Variants in GDA observed in about 807,000 individuals in gnomAD.
GDA encodes the protein cytoplasmic PSD-95 interactor.
In GDA, 18 loss-of-function variants were observed where a neutral mutation model predicts 59.6. That is an observed-to-expected ratio of 0.30 (90% CI 0.21 to 0.45). The LOEUF (loss-of-function observed/expected upper bound fraction) is 0.45, where lower values mean the gene tolerates loss of function less well. Ranked by LOEUF, GDA falls within the 20% of genes least tolerant of loss-of-function variation. The pLI is 1.00. For synonymous variants in GDA, 201 were observed against 201.1 expected, an observed-to-expected ratio of 1.00 and a Z score of 0.00; for missense variants, 427 against 552.3, an observed-to-expected ratio of 0.77 and a Z score of 2.27.
chr9:72,222,927 G>A (rs528353038), intron 6 of GDA, among the ~76,000 whole-genome samples, 193 bp from the exon 7 acceptor site: 2 of 152,078 alleles, frequency 1.3e-5, no homozygotes, highest in African/African-American at 2.4e-5. Context: ...GGCTGGTCTC[G>A]AACTCCCGGC....
chr9:72,244,969 T>A (rs1382692630), intron 11 of GDA, among the ~76,000 whole-genome samples, 179 bp from the exon 12 acceptor site: 1 of 152,178 alleles, frequency 6.6e-6, no homozygotes, highest in African/African-American at 2.4e-5. Flanking sequence ...TACTCCACTT[T>A]ATGTAAGTAG....
intron 5 of GDA, 54 bp from the exon 6 acceptor site, chr9:72,219,425 A>C: frequency 7.6e-7 from 1 of 1,313,578 alleles, no homozygotes; most frequent in Non-Finnish European, 1.1e-6. Context: ...ATAATAAAGA[A>C]AAGAAAAAAA....
chr9:72,235,297 G>A (rs1838848232), intron 10 of GDA, among the ~76,000 whole-genome samples: 1 of 152,194 alleles, frequency 6.6e-6, no homozygotes, highest in South Asian at 2.1e-4. Context: ...TAAAAACTGA[G>A]TGTTAGGTCC....
intron 3 of GDA, among the ~76,000 whole-genome samples, chr9:72,209,890 T>C (rs1049524982): frequency 2.0e-5 from 3 of 152,168 alleles, no homozygotes; most frequent in Admixed American, 1.3e-4. Flanking sequence ...CTGGGGAAAA[T>C]GACTGAGTGC....
chr9:72,219,371 C>T, intron 5 of GDA, 108 bp from the exon 6 acceptor site: 1 of 769,708 alleles, frequency 1.3e-6, no homozygotes, highest in East Asian at 2.9e-5. Flanking sequence ...CCACTTCACT[C>T]CAGCCTGGGC....
rs866383741 is a variant in GDA at position 72,165,006 on chromosome 9, T to A, written c.123+15324T>A. 6.4e-3 allele frequency among the ~76,000 whole-genome samples: 802 copies of A among 126,170 alleles called. 6 individuals carry two copies. Among genetic ancestry groups the A allele is most frequent in the African/African-American group, 0.021 (735 of 35,352 alleles). The allele number at this position is 126,170 out of a possible 152,430, so 82.8% of individuals were successfully genotyped here. A position where few individuals can be genotyped will look rare whatever the true frequency, so the allele number is the denominator to read the frequency against. ...CTCCATCTCAAAAAAAAAAAAAAAA[T>A]GCTCTGGCTGTCCTCTGGTCTTCAA... On this transcript the variant is annotated intron_variant, in intron 1 of 13. Transcript: ENST00000358399.
chr9:72,190,613 C>T (rs921425126), intron 1 of GDA, among the ~76,000 whole-genome samples: 3 of 152,184 alleles, frequency 2.0e-5, no homozygotes, highest in Non-Finnish European at 2.9e-5. Context: ...TTTTAGACTA[C>T]GGTGCTCCTA....
At chr9:72,172,836 C>T (rs1436847590) in intron 1 of GDA, among the ~76,000 whole-genome samples, 2 of 152,152 alleles carry the variant, frequency 1.3e-5, no homozygotes, top group East Asian at 3.8e-4. Context: ...TTTCTAATTT[C>T]TTCCTTCCTT....
At chr9:72,213,801 T>C in intron 4 of GDA, 85 bp from the exon 5 acceptor site, 1 of 632,134 alleles carries the variant, frequency 1.6e-6, no homozygotes, top group Non-Finnish European at 2.5e-6. Flanking sequence ...GGACTCCGTC[T>C]CAAAAAAAAA....
intron 1 of GDA, among the ~76,000 whole-genome samples, chr9:72,122,175 A>G (rs976512994): frequency 3.3e-5 from 5 of 152,212 alleles, no homozygotes; most frequent in African/African-American, 1.2e-4. Flanking sequence ...TGACTTTCAG[A>G]CATGAGAATC....
chr9:72,147,140 A>G (rs905760194), upstream of GDA, among the ~76,000 whole-genome samples: 28 of 152,308 alleles, frequency 1.8e-4, no homozygotes, highest in African/African-American at 6.3e-4. Flanking sequence ...TACCTTTTCA[A>G]TTCCAGCAAA....
chr9:72,218,685 G>C (rs1836462472), intron 5 of GDA, among the ~76,000 whole-genome samples: 1 of 152,076 alleles, frequency 6.6e-6, no homozygotes, highest in African/African-American at 2.4e-5. Context: ...TTACTCCAAG[G>C]TTCATCCCCA....
intron 5 of GDA, among the ~76,000 whole-genome samples, chr9:72,218,641 A>G (rs1215235784): frequency 6.6e-6 from 1 of 152,134 alleles, no homozygotes; most frequent in Admixed American, 6.5e-5. Context: ...TTCCCCATGC[A>G]CCTCACAACC....
chr9:72,182,394 C>CT (rs140386870), intron 1 of GDA, among the ~76,000 whole-genome samples: 1 of 152,076 alleles, frequency 6.6e-6, no homozygotes, highest in South Asian at 2.1e-4. Context: ...AGAGTTTCTC[C>CT]TTTTTTCAAA....
At chr9:72,204,017 A>G (rs1179551963) in intron 3 of GDA, among the ~76,000 whole-genome samples, 2 of 152,072 alleles carry the variant, frequency 1.3e-5, no homozygotes, top group African/African-American at 2.4e-5. Flanking sequence ...GGGTTTCACC[A>G]TATTGCTCAG....
chr9:72,164,488 T>C (rs10869137), intron 1 of GDA, among the ~76,000 whole-genome samples: 2 of 152,032 alleles, frequency 1.3e-5, no homozygotes, highest in South Asian at 2.1e-4. Context: ...TTTGGAATGA[T>C]TGGAAGATAA....
At chr9:72,234,153 T>G (rs140696824) in intron 10 of GDA, among the ~76,000 whole-genome samples, 2 of 151,984 alleles carry the variant, frequency 1.3e-5, no homozygotes, top group Non-Finnish European at 2.9e-5. Context: ...TGTGTGGGCT[T>G]AAAGAGCACA....
intron 12 of GDA, among the ~76,000 whole-genome samples, chr9:72,245,660 T>C (rs1840060155): frequency 1.3e-5 from 2 of 152,172 alleles, no homozygotes; most frequent in African/African-American, 4.8e-5. Flanking sequence ...TGTTAATTTA[T>C]AGGGGCAGTG....
At chr9:72,210,353 GA>G (rs1835201892) in intron 3 of GDA, among the ~76,000 whole-genome samples, 1 of 152,094 alleles carries the variant, frequency 6.6e-6, no homozygotes. Context: ...TGTAGTAGAA[GA>G]AAAACTTATT....
Sources: allele counts gnomAD v4.1 joint callset (sites outside exome capture counted in the v4.1 genomes callset), GRCh38; gene constraint gnomAD v4.1.1; transcripts MANE v1.5; gene names NCBI Gene and HGNC (gene_info 2026-07-23, HGNC 2026-07-21).